Variants in ZNF407 observed in about 807,000 individuals in gnomAD.
ZNF407 encodes the protein zinc finger protein 407.
A neutral mutation model predicts 131.2 loss-of-function variants in ZNF407; 17 were observed. The observed-to-expected ratio is 0.13, with a 90% CI of 0.09 to 0.19. The LOEUF (loss-of-function observed/expected upper bound fraction) is 0.19. ZNF407 is among the 10% of genes least tolerant of loss of function. ZNF407 has a pLI of 1.00. For synonymous variants in ZNF407, 1,156 were observed against 1,062.0 expected (o/e 1.09, Z -1.72); for missense variants, 2,681 against 2,830.6 (o/e 0.95, Z 1.20).
chr18:74,702,146 G>A (rs1193541387), intron 3 of ZNF407, among the ~76,000 whole-genome samples: 2 of 152,172 alleles, frequency 1.3e-5, no homozygotes, highest in African/African-American at 4.8e-5. Context: ...GATAACTGCA[G>A]TTTGTATATT....
intron 3 of ZNF407, among the ~76,000 whole-genome samples, chr18:74,757,249 G>T (rs987613436): frequency 5.9e-5 from 9 of 151,906 alleles, no homozygotes; most frequent in Non-Finnish European, 1.2e-4. Context: ...GAGGCAGTAA[G>T]AATGGAGACT....
chr18:74,905,636 C>G (rs563594305), intron 7 of ZNF407: 1 of 152,290 alleles, frequency 6.6e-6, no homozygotes, highest in Admixed American at 6.5e-5. Flanking sequence ...GCATAATAAA[C>G]ATGAACAGAA....
At chr18:74,717,359 A>G (rs942316798) in intron 3 of ZNF407, among the ~76,000 whole-genome samples, 7 of 152,196 alleles carry the variant, frequency 4.6e-5, no homozygotes, top group Non-Finnish European at 8.8e-5. Context: ...TTCTCTGCAA[A>G]TACTGTAATA....
intron 3 of ZNF407, among the ~76,000 whole-genome samples, chr18:74,656,143 T>G (rs1985446130): frequency 6.6e-6 from 1 of 152,158 alleles, no homozygotes; most frequent in African/African-American, 2.4e-5. Context: ...TGTAACTAAT[T>G]AAAAGAAATT....
In ZNF407 at chr18:74,632,693, C is replaced by T; in HGVS notation, c.1674C>T (p.Tyr558=). Residue 558 remains tyrosine, a synonymous_variant, in exon 2 of 9, where the codon TAC becomes TAT. Coordinates refer to ENST00000299687, the MANE Select transcript of ZNF407 (RefSeq NM_017757.3). ...GCCATGCCAGAGAGATGAAATTTTA[C>T]TGCCGTACTTGTGACTTCTCTAGTA... ...KRCHAREMKF[Y]CRTCDFSSMS... 2.5e-6 allele frequency: 4 copies of T among 1,614,052 alleles called. No homozygotes were observed. The highest frequency in any genetic ancestry group is 3.4e-6 in the Non-Finnish European group (4 of 1,179,898).
rs528434207 is a variant in ZNF407 at position 74,954,328 on chromosome 18, C to T, written c.5428+33636C>T. Among the ~76,000 whole-genome samples the T allele has an allele frequency of 3.2e-4, 48 of 152,172 alleles. No individual in the cohort carries two copies. In the South Asian group the frequency reaches 9.1e-3, roughly 29 times the overall value. Reference sequence around the variant, plus strand: ...TGTGTTACTGTGATCTCTTTGTATACTATTGTTAATATATATCTTTAATCT... The same window carrying T: ...TGTGTTACTGTGATCTCTTTGTATATTATTGTTAATATATATCTTTAATCT... On this transcript the variant is annotated intron_variant, in intron 8 of 8. Transcript: ENST00000299687.
chr18:74,959,522 C>T (rs1319260854), intron 8 of ZNF407, among the ~76,000 whole-genome samples: 1 of 152,138 alleles, frequency 6.6e-6, no homozygotes, highest in Non-Finnish European at 1.5e-5. Flanking sequence ...TTGTAGCATC[C>T]TTTTGTTCTG....
intron 3 of ZNF407, among the ~76,000 whole-genome samples, chr18:74,720,176 ATT>A (rs34064021): frequency 8.7e-5 from 13 of 149,692 alleles, no homozygotes; most frequent in Admixed American, 2.6e-4. Flanking sequence ...AGCATTTGCT[ATT>A]TTTTTTTTTG....
chr18:75,058,229 G>A (rs1383009487), intron 8 of ZNF407, among the ~76,000 whole-genome samples: 1 of 152,142 alleles, frequency 6.6e-6, no homozygotes, highest in Non-Finnish European at 1.5e-5. Context: ...CATCATAATG[G>A]CATCCCAGAG....
At chr18:74,659,788 A>C (rs913446326) in intron 3 of ZNF407, among the ~76,000 whole-genome samples, 23 of 152,184 alleles carry the variant, frequency 1.5e-4, no homozygotes, top group African/African-American at 5.5e-4. Flanking sequence ...GTATTAATAA[A>C]AGTATTTAGG....
At chr18:74,791,008 A>G (rs745669396) in intron 4 of ZNF407, among the ~76,000 whole-genome samples, 32 of 152,202 alleles carry the variant, frequency 2.1e-4, no homozygotes, top group Non-Finnish European at 2.9e-4. Flanking sequence ...CACTTGCATG[A>G]TTGATCTATT....
intron 4 of ZNF407, 92 bp from the exon 5 acceptor site, chr18:74,877,105 A>G (rs1971168432): frequency 1.0e-5 from 11 of 1,100,788 alleles, no homozygotes; most frequent in Middle Eastern, 2.9e-4. Context: ...CTGCGTGTGC[A>G]CCGCACCTCA....
chr18:74,667,105 C>G lies in ZNF407; in HGVS notation c.4802+25983C>G, dbSNP rs200526425. Reference sequence around the variant, plus strand: ...ATGATCTGTTGGTGCCTCACAAGTTCAAATGTCTTGAACTGTTTCTGCACC... The same window carrying G: ...ATGATCTGTTGGTGCCTCACAAGTTGAAATGTCTTGAACTGTTTCTGCACC... On this transcript the variant is annotated intron_variant, in intron 3 of 8. Transcript: ENST00000299687. Among the ~76,000 whole-genome samples, 7 of 152,238 alleles carry G rather than the reference C, an allele frequency of 4.6e-5. No homozygotes were observed. The East Asian group carries it at 1.4e-3, about 29-fold the overall frequency.
Position 74,935,838 on chromosome 18 carries a change from C to G in ZNF407, c.5428+15146C>G, listed in dbSNP as rs190451272. Among the ~76,000 whole-genome samples the G allele has an allele frequency of 6.2e-4, 95 of 152,298 alleles. 1 individual carries two copies. Among genetic ancestry groups the G allele is most frequent in the Middle Eastern group, 3.4e-3 (1 of 294 alleles). ...CTGAAAAAGGAAGATAATCCAACAG[C>G]TGGCTCTTTAGAAGAGGCTGAATAA... On this transcript the variant is annotated intron_variant, in intron 8 of 8. Coordinates refer to ENST00000299687, the MANE Select transcript of ZNF407 (RefSeq NM_017757.3).
intron 4 of ZNF407, among the ~76,000 whole-genome samples, chr18:74,838,899 T>C (rs1970594092): frequency 6.6e-6 from 1 of 152,218 alleles, no homozygotes; most frequent in Non-Finnish European, 1.5e-5. Context: ...TTTTTCACTA[T>C]TGATTATCTA....
intron 8 of ZNF407, among the ~76,000 whole-genome samples, chr18:74,962,731 A>G (rs1490924860): frequency 6.6e-6 from 1 of 152,188 alleles, no homozygotes; most frequent in Non-Finnish European, 1.5e-5. Context: ...CCAAGAGTCA[A>G]TTCTGAAACC....
chr18:74,881,056 G>T lies in ZNF407; in HGVS notation c.5065G>T (p.Asp1689Tyr). The change falls in exon 6 of 9, where the codon GAC becomes TAC. Residue 1689 changes from aspartate (D) to tyrosine (Y), a missense_variant. Physicochemically the swap from Asp to Tyr is radical, Grantham distance 160. Around this residue, in one of 6 missense-constraint regions of ZNF407, gnomAD observed 213 missense variants for 332.2 expected, o/e 0.64. Transcript: ENST00000299687. ...THTGEKSFLC[D>Y]LCGFAGGTRH... ...AACAGGCGAGAAGTCGTTTCTGTGT[G>T]ACCTCTGCGGCTTTGCCGGCGGGAC... The T allele has an allele frequency of 6.3e-7, 1 of 1,584,654 alleles. No homozygotes were observed. The highest frequency in any genetic ancestry group is 1.8e-5 in the Admixed American group (1 of 56,432).
intron 3 of ZNF407, among the ~76,000 whole-genome samples, chr18:74,755,753 C>CTTTCTTTCTTTCTTTCT: frequency 8.5e-6 from 1 of 117,814 alleles, no homozygotes; most frequent in Non-Finnish European, 1.6e-5. Flanking sequence ...TTCTTTCTTT[C>CTTTCTTTCTTTCTTTCT]TTTCTTTCTT....
intron 4 of ZNF407, among the ~76,000 whole-genome samples, chr18:74,863,672 G>T (rs1202837198): frequency 2.6e-5 from 4 of 152,120 alleles, no homozygotes; most frequent in Admixed American, 6.6e-5. Context: ...CGAATTAAAG[G>T]ACCAGAAGTT....
Sources: allele counts gnomAD v4.1 joint callset (sites outside exome capture counted in the v4.1 genomes callset), GRCh38; gene constraint gnomAD v4.1.1; regional missense constraint gnomAD v4.1.1; transcripts MANE v1.5; gene names NCBI Gene and HGNC (gene_info 2026-07-23, HGNC 2026-07-21).